DOCK3: variants seen among roughly 807,000 people sequenced by gnomAD.
DOCK3 encodes the protein dedicator of cytokinesis protein 3.
A neutral mutation model predicts 265.6 loss-of-function variants in DOCK3; 60 were observed. The ratio of observed to expected loss-of-function variants is 0.23; its 90% CI spans 0.18 to 0.28. The LOEUF is 0.28. Among genes scored for constraint, DOCK3 ranks in the 10% least tolerant of loss-of-function variants. DOCK3 has a pLI of 1.00. For missense variants in DOCK3, 1,981 were observed against 2,594.3 expected, an observed-to-expected ratio of 0.76 and a Z score of 5.14; for synonymous variants, 881 against 938.0, an observed-to-expected ratio of 0.94 and a Z score of 1.11.
At chr3:51,131,629 A>G (rs931941552) in intron 9 of DOCK3, among the ~76,000 whole-genome samples, 4 of 152,168 alleles carry the variant, frequency 2.6e-5, no homozygotes, top group Non-Finnish European at 5.9e-5. Flanking sequence ...GTAGGAATGC[A>G]GTAGGCTTCC....
intron 33 of DOCK3, among the ~76,000 whole-genome samples, chr3:51,331,917 G>A (rs1365975257): frequency 2.0e-5 from 3 of 152,226 alleles, no homozygotes; most frequent in African/African-American, 4.8e-5. Flanking sequence ...AGAGACCTCT[G>A]TAGAACACAT....
intron 30 of DOCK3, 86 bp downstream of exon 30, chr3:51,312,662 G>C (rs1301533469): frequency 7.3e-7 from 1 of 1,364,482 alleles, no homozygotes; most frequent in African/African-American, 1.5e-5. Context: ...AGGTCCACAA[G>C]GTTCTCAGCT....
At chr3:50,972,833 A>G (rs1283162536) in intron 5 of DOCK3, among the ~76,000 whole-genome samples, 2 of 149,498 alleles carry the variant, frequency 1.3e-5, no homozygotes, top group African/African-American at 4.9e-5. Flanking sequence ...GTATTTTGAA[A>G]TCAGGTAATG....
intron 3 of DOCK3, among the ~76,000 whole-genome samples, chr3:50,873,966 C>T (rs2047563794): frequency 6.6e-6 from 1 of 150,936 alleles, no homozygotes; most frequent in African/African-American, 2.4e-5. Flanking sequence ...TCTACTTCTT[C>T]ATTTTCTCTT....
chr3:50,685,448 A>G lies in DOCK3; in HGVS notation c.37+10148A>G, dbSNP rs138532604. 5.0e-3 allele frequency: 763 copies of G among 152,778 alleles called. 4 individuals carry two copies. The highest frequency in any genetic ancestry group is 7.7e-3 in the Non-Finnish European group (525 of 68,040). The allele number at this position is 152,778 out of a possible 1,614,324, so 9.5% of individuals were successfully genotyped here. ...GTATCAGTTGTTTAACTGAGTTTCT[A>G]GTGATTTGACATTATTAATACAAAA... On this transcript the variant is annotated intron_variant, in intron 1 of 52. Transcript: ENST00000266037.
chr3:50,788,049 G>A (rs2042278107), intron 2 of DOCK3: 3 of 740,054 alleles, frequency 4.1e-6, no homozygotes, highest in African/African-American at 1.8e-5. Flanking sequence ...TCCCTGAAAT[G>A]TGGCTGTTCT....
At chr3:50,804,339 C>T (rs899944185) in intron 2 of DOCK3, among the ~76,000 whole-genome samples, 18 of 152,094 alleles carry the variant, frequency 1.2e-4, no homozygotes, top group Non-Finnish European at 1.5e-4. Flanking sequence ...GACGGGGTGG[C>T]GGCTGGGCAG....
At chr3:51,298,709 A>G (rs1347254541) in intron 27 of DOCK3, among the ~76,000 whole-genome samples, 3 of 152,150 alleles carry the variant, frequency 2.0e-5, no homozygotes, top group Admixed American at 6.5e-5. Context: ...AATGGCTTCC[A>G]GCTCCATCCA....
At chr3:50,701,325 T>A (rs955714758) in intron 1 of DOCK3, among the ~76,000 whole-genome samples, 1 of 152,080 alleles carries the variant, frequency 6.6e-6, no homozygotes, top group Non-Finnish European at 1.5e-5. Flanking sequence ...GCTCTGTTGC[T>A]CAGGTTGGTC....
chr3:51,117,959 C>T (rs1004720719), intron 9 of DOCK3, among the ~76,000 whole-genome samples: 19 of 152,186 alleles, frequency 1.2e-4, no homozygotes, highest in Non-Finnish European at 1.3e-4. Flanking sequence ...CTGTCTCCTT[C>T]AGTTCTGTTC....
intron 9 of DOCK3, among the ~76,000 whole-genome samples, chr3:51,118,950 A>T (rs2083890943): frequency 6.6e-6 from 1 of 152,138 alleles, no homozygotes; most frequent in African/African-American, 2.4e-5. Context: ...GTGCCTTTTA[A>T]TTGGGGCATT....
chr3:51,229,691 T>C (rs918786863), intron 19 of DOCK3, 82 bp downstream of exon 19: 24 of 1,090,420 alleles, frequency 2.2e-5, no homozygotes, highest in African/African-American at 3.2e-5. Flanking sequence ...TTTTTGCCAA[T>C]AACCGTCTGA....
At chr3:50,833,042 A>G (rs1478616945) in intron 2 of DOCK3, among the ~76,000 whole-genome samples, 1 of 152,208 alleles carries the variant, frequency 6.6e-6, no homozygotes, top group Non-Finnish European at 1.5e-5. Context: ...AAGTAAACTA[A>G]ATAAGAAAGC....
intron 1 of DOCK3, among the ~76,000 whole-genome samples, chr3:50,734,866 G>A (rs1158810482): frequency 1.3e-5 from 2 of 152,094 alleles, no homozygotes; most frequent in Non-Finnish European, 2.9e-5. Flanking sequence ...GCCTCCCAAA[G>A]TGTTGGGATT....
At chr3:51,116,023 ACT>A (rs1304606448) in intron 9 of DOCK3, among the ~76,000 whole-genome samples, 1 of 152,166 alleles carries the variant, frequency 6.6e-6, no homozygotes, top group Non-Finnish European at 1.5e-5. Context: ...TGGTACCAGT[ACT>A]GTGCTGTTTT....
chr3:50,818,430 G>A (rs1321414235), intron 2 of DOCK3, among the ~76,000 whole-genome samples: 1 of 152,224 alleles, frequency 6.6e-6, no homozygotes, highest in Middle Eastern at 3.2e-3. Context: ...CTTGTTTGCT[G>A]TCATCTAAAT....
chr3:51,210,445 A>G (rs1425847302), intron 13 of DOCK3, among the ~76,000 whole-genome samples: 1 of 152,226 alleles, frequency 6.6e-6, no homozygotes, highest in African/African-American at 2.4e-5. Flanking sequence ...TTTTTGAAGT[A>G]TGTTAGAAGC....
chr3:51,062,745 A>T (rs2081454335), intron 5 of DOCK3, among the ~76,000 whole-genome samples: 1 of 152,266 alleles, frequency 6.6e-6, no homozygotes, highest in Non-Finnish European at 1.5e-5. Context: ...ATGGACTATC[A>T]TATAGGCTTT....
At chr3:50,676,117 CAG>C (rs1240283921) in intron 1 of DOCK3, among the ~76,000 whole-genome samples, 1 of 152,102 alleles carries the variant, frequency 6.6e-6, no homozygotes, top group Non-Finnish European at 1.5e-5. Context: ...CAGTTAGAAA[CAG>C]ATTTAAAATG....
Sources: gnomAD v4.1 joint callset for allele counts (sites outside exome capture counted in the v4.1 genomes callset) on GRCh38, gnomAD v4.1.1 for gene constraint, MANE v1.5 for transcripts, NCBI Gene and HGNC (gene_info 2026-07-23, HGNC 2026-07-21) for gene names.